TEK: variants seen among roughly 807,000 people sequenced by gnomAD.
TEK encodes the protein TEK receptor tyrosine kinase.
A neutral mutation model predicts 131.8 loss-of-function variants in TEK; 43 were observed. The observed-to-expected ratio is 0.33, with a 90% confidence interval of 0.26 to 0.42. TEK has a LOEUF of 0.42. TEK is among the 10% of genes least tolerant of loss of function. The pLI, the probability that TEK is intolerant of heterozygous loss-of-function variation, is 1.00. For missense variants in TEK, 1,162 were observed against 1,384.4 expected (o/e 0.84, Z 2.55); for synonymous variants, 580 against 491.6 (o/e 1.18, Z -2.38).
chr9:27,109,739 A>G, intron 1 of TEK, 97 bp downstream of exon 1: 1 of 1,231,264 alleles, frequency 8.1e-7, no homozygotes, highest in Non-Finnish European at 1.2e-6. Flanking sequence ...GCTGATGAAC[A>G]AGGGGTGGCT....
chr9:27,169,627 G>A lies in TEK; in HGVS notation c.626G>A (p.Arg209Gln), dbSNP rs775884054. The A allele has an allele frequency of 6.8e-6, 11 of 1,613,898 alleles. No homozygotes were observed. The highest frequency in any genetic ancestry group is 1.3e-5 in the African/African-American group (1 of 74,918). Residue 209 changes from arginine to glutamine, a missense_variant and splice_region_variant, in exon 4 of 23, where the codon CGG (arginine) becomes CAG (glutamine). By Grantham distance (43) the Arg-to-Gln change is conservative (BLOSUM62 1). Coordinates refer to ENST00000380036, the MANE Select transcript of TEK (RefSeq NM_000459.5). ...TCGGCCTTCACCAGGCTGATAGTCCGGAGTAAGTGATGGAGAGGCCACCAT... is the reference window on the plus strand; with the variant it reads ...TCGGCCTTCACCAGGCTGATAGTCCAGAGTAAGTGATGGAGAGGCCACCAT... ...FTSAFTRLIV[R>Q]RCEAQKWGPE...
intron 8 of TEK, 133 bp downstream of exon 8, chr9:27,183,743 C>T (rs1486633122): frequency 3.2e-6 from 4 of 1,260,090 alleles, no homozygotes; most frequent in Non-Finnish European, 4.6e-6. Flanking sequence ...TGATAAAATG[C>T]CCTATTCCTG....
In TEK at chr9:27,190,485, C is replaced by T. The variant is rs764026099; in HGVS notation, c.1328-44C>T. On this transcript the variant is annotated intron_variant, in intron 9 of 22. Transcript: ENST00000380036. ...CCTCTACCTAAGAACAATCACAAAA[C>T]CTCAAAGCCGAAGGACTAATCTGCC... 106 of 1,612,524 alleles carry T rather than the reference C, an allele frequency of 6.6e-5. 1 individual carries two copies. The South Asian group carries it at 1.1e-3, about 17-fold the overall frequency.
Position 27,229,535 on chromosome 9 carries a change from A to C in TEK, c.*303A>C. 1 of 418,258 alleles carries C rather than the reference A, an allele frequency of 2.4e-6. No homozygotes were observed. The allele number at this position is 418,258 out of a possible 1,614,324, so 25.9% of individuals were successfully genotyped here. ...ATAGGAAGGCGTGAGTACAATTAGT[A>C]TAATGCATAACTCATTGTTGTCCTA... On this transcript the variant is annotated 3_prime_UTR_variant, in exon 23 of 23. Transcript: ENST00000380036.
intron 1 of TEK, among the ~76,000 whole-genome samples, chr9:27,144,795 A>T (rs1244120670): frequency 6.6e-6 from 1 of 152,298 alleles, no homozygotes; most frequent in East Asian, 1.9e-4. Context: ...AGCTAAGAAT[A>T]TGTCCCCTCT....
intron 1 of TEK, among the ~76,000 whole-genome samples, chr9:27,131,645 TAA>T (rs756421404): frequency 2.5e-4 from 34 of 138,070 alleles, no homozygotes; most frequent in Admixed American, 3.0e-4. Flanking sequence ...CCCCGTCTCT[TAA>T]AAAAAAAAAA....
In TEK at chr9:27,190,669, G is replaced by A. The variant is rs1564086813; in HGVS notation, c.1468G>A (p.Glu490Lys). The change falls in exon 10 of 23, where the codon GAG becomes AAG. Residue 490 changes from glutamate (E) to lysine (K), a missense_variant. Glu to Lys is a moderately conservative substitution (Grantham distance 56). Transcript: ENST00000380036. ...KLLYKPVNHY[E>K]AWQHIQVTNE... ...TCTATACAAACCCGTTAATCACTAT[G>A]AGGCTTGGCAACATATTCAAGGTAA... 6.2e-7 allele frequency: 1 copy of A among 1,613,946 alleles called. No individual in the cohort carries two copies. Among genetic ancestry groups the A allele is most frequent in the African/African-American group, 1.3e-5 (1 of 75,022 alleles).
At chr9:27,183,900 G>A (rs148323522) in intron 8 of TEK, among the ~76,000 whole-genome samples, 125 of 152,298 alleles carry the variant, frequency 8.2e-4, no homozygotes, top group Admixed American at 2.4e-3. Context: ...CAGCTGGTAT[G>A]GGGAGAAGTA....
At chr9:27,223,266 C>G (rs898124608) in intron 21 of TEK, among the ~76,000 whole-genome samples, 3 of 151,710 alleles carry the variant, frequency 2.0e-5, no homozygotes, top group African/African-American at 7.3e-5. Flanking sequence ...CAGCTCTGGA[C>G]CAAGTAGACC....
Position 27,168,706 on chromosome 9 carries a change from T to C in TEK, c.475+101T>C, listed in dbSNP as rs10967753. The C allele has an allele frequency of 0.49, 440,554 of 898,750 alleles. 112,722 individuals are homozygous for C. Among genetic ancestry groups the C allele is most frequent in the South Asian group, 0.68 (47,783 of 70,338 alleles). 55.7% of individuals were successfully genotyped at this position (898,750 alleles called of 1,614,324 possible). On this transcript the variant is annotated intron_variant, in intron 3 of 22. Coordinates refer to ENST00000380036, the MANE Select transcript of TEK (RefSeq NM_000459.5). ...CTATTGTGGTCTTGTGGGCAGATGT[T>C]TGAATTAAAGCTGCTATGATGCAAG...
At chr9:27,185,053 A>G (rs908973735) in intron 8 of TEK, among the ~76,000 whole-genome samples, 1 of 149,856 alleles carries the variant, frequency 6.7e-6, no homozygotes, top group Middle Eastern at 3.2e-3. Context: ...AAAAAAAAAA[A>G]TGGCAGAGGT....
chr9:27,124,182 C>G (rs1648542352), intron 1 of TEK, among the ~76,000 whole-genome samples: 2 of 152,256 alleles, frequency 1.3e-5, no homozygotes, highest in Non-Finnish European at 1.5e-5. Context: ...ACTACTGTAT[C>G]AGTTAGTTGT....
At chr9:27,151,452 A>G (rs929272652) in intron 1 of TEK, among the ~76,000 whole-genome samples, 1 of 152,188 alleles carries the variant, frequency 6.6e-6, no homozygotes, top group African/African-American at 2.4e-5. Context: ...AAAAATGAGT[A>G]ACTACTGCTC....
chr9:27,166,763 G>A (rs1481103161), intron 2 of TEK, among the ~76,000 whole-genome samples: 1 of 152,158 alleles, frequency 6.6e-6, no homozygotes, highest in Non-Finnish European at 1.5e-5. Flanking sequence ...GTGTGTGTGT[G>A]TTTTAGAATT....
At chr9:27,186,488 T>C (rs191419524) in intron 9 of TEK, among the ~76,000 whole-genome samples, 9 of 152,302 alleles carry the variant, frequency 5.9e-5, no homozygotes, top group African/African-American at 2.2e-4. Context: ...AGAAAAAAAG[T>C]CTGTACATGT....
At chr9:27,156,451 A>T (rs1163750497) in intron 1 of TEK, among the ~76,000 whole-genome samples, 1 of 151,954 alleles carries the variant, frequency 6.6e-6, no homozygotes, top group Non-Finnish European at 1.5e-5. Flanking sequence ...CAGGTAGAGA[A>T]GCCTTCTATG....
At chr9:27,196,074 G>A (rs576694961) in intron 11 of TEK, among the ~76,000 whole-genome samples, 1 of 152,166 alleles carries the variant, frequency 6.6e-6, no homozygotes, top group Admixed American at 6.5e-5. Context: ...CCCCTAAATT[G>A]CTTTACAATG....
intron 16 of TEK, among the ~76,000 whole-genome samples, chr9:27,209,987 T>G (rs1825543285): frequency 6.6e-6 from 1 of 152,162 alleles, no homozygotes; most frequent in African/African-American, 2.4e-5. Flanking sequence ...CACAAAAAGC[T>G]CCATGCAGTA....
chr9:27,136,281 C>T (rs1192605915), intron 1 of TEK, among the ~76,000 whole-genome samples: 1 of 152,056 alleles, frequency 6.6e-6, no homozygotes, highest in African/African-American at 2.4e-5. Flanking sequence ...GAGGTTTCAC[C>T]ATGTTGCCCA....
Sources: allele counts gnomAD v4.1 joint callset (sites outside exome capture counted in the v4.1 genomes callset), GRCh38; gene constraint gnomAD v4.1.1; transcripts MANE v1.5; gene names NCBI Gene and HGNC (gene_info 2026-07-23, HGNC 2026-07-21).